LRRC4C: variants seen among roughly 807,000 people sequenced by gnomAD.
LRRC4C encodes leucine rich repeat containing 4C.
LRRC4C carries 5 observed loss-of-function variants against 33.6 expected under a neutral mutation model. The ratio of observed to expected loss-of-function variants is 0.15; its 90% CI spans 0.08 to 0.31. LRRC4C has a LOEUF of 0.31. LRRC4C is among the 10% of genes least tolerant of loss of function. The probability of loss-of-function intolerance (pLI) is 1.00; values close to 1 mark genes in which losing one functional copy is unlikely to be tolerated. For missense variants in LRRC4C, 560 were observed against 796.7 expected, an observed-to-expected ratio of 0.70 and a Z score of 3.58; for synonymous variants, 329 against 302.0, an observed-to-expected ratio of 1.09 and a Z score of -0.93.
chr11:41,327,152 T>C (rs1759275841), intron 1 of LRRC4C, among the ~76,000 whole-genome samples: 1 of 152,198 alleles, frequency 6.6e-6, no homozygotes. Context: ...TTTAACATAT[T>C]CTAGGGAGAA....
chr11:40,307,602 T>G (rs1314993395), intron 4 of LRRC4C, among the ~76,000 whole-genome samples: 1 of 152,234 alleles, frequency 6.6e-6, no homozygotes, highest in Non-Finnish European at 1.5e-5. Flanking sequence ...TATAGTTATG[T>G]ATATAATTGT....
chr11:40,608,578 ATC>A (rs778631823), intron 3 of LRRC4C, among the ~76,000 whole-genome samples: 181 of 152,258 alleles, frequency 1.2e-3, no homozygotes, highest in Non-Finnish European at 2.3e-3. Flanking sequence ...TACCTTTCCA[ATC>A]AAACAACATA....
At chr11:40,127,603 T>G (rs11035703) in intron 6 of LRRC4C, among the ~76,000 whole-genome samples, 7,529 of 152,288 alleles carry the variant, frequency 0.049, 258 homozygotes, top group Middle Eastern at 0.075. Context: ...TTTCTGCTCT[T>G]GTCCCTAAAG....
chr11:40,341,384 A>AC (rs1452534937), intron 3 of LRRC4C, among the ~76,000 whole-genome samples: 2 of 152,186 alleles, frequency 1.3e-5, no homozygotes, highest in Non-Finnish European at 2.9e-5. Flanking sequence ...CAATAAACAT[A>AC]CGTGTGCATG....
intron 1 of LRRC4C, among the ~76,000 whole-genome samples, chr11:41,433,767 G>A (rs1955326135): frequency 6.6e-6 from 1 of 151,834 alleles, no homozygotes; most frequent in Admixed American, 6.6e-5. Context: ...TTGTGATCCT[G>A]TGAGTTAATA....
intron 1 of LRRC4C, among the ~76,000 whole-genome samples, chr11:41,083,402 T>C (rs571478685): frequency 1.5e-4 from 23 of 152,224 alleles, no homozygotes; most frequent in Admixed American, 1.0e-3. Flanking sequence ...AGATAAAATG[T>C]GATTAAGAAT....
At chr11:40,699,442 T>C (rs181025278) in intron 2 of LRRC4C, among the ~76,000 whole-genome samples, 2 of 152,168 alleles carry the variant, frequency 1.3e-5, no homozygotes, top group African/African-American at 2.4e-5. Context: ...ATGTCTAACA[T>C]GTTTATTATG....
chr11:40,877,607 T>A (rs1399321756), intron 2 of LRRC4C, among the ~76,000 whole-genome samples: 1 of 152,150 alleles, frequency 6.6e-6, no homozygotes, highest in African/African-American at 2.4e-5. Context: ...TCATGGCAAA[T>A]ATCTTTAGTA....
chr11:40,140,839 A>G lies in LRRC4C; in HGVS notation c.-81T>C, dbSNP rs1211860844. 1.4e-5 allele frequency: 2 copies of G among 145,520 alleles called. No homozygotes were observed. The highest frequency in any genetic ancestry group is 5.1e-5 in the African/African-American group (2 of 39,226). 9.0% of individuals were successfully genotyped at this position (145,520 alleles called of 1,614,324 possible). A position where few individuals can be genotyped will look rare whatever the true frequency, so the allele number is the denominator to read the frequency against. Reference sequence around the variant, plus strand: ...GGGGGTCTCTATGCTGTAAGTAGGCAGTGCGTTTGCCAATCTAAAAAAAAA... The same window carrying G: ...GGGGGTCTCTATGCTGTAAGTAGGCGGTGCGTTTGCCAATCTAAAAAAAAA... On this transcript the variant is annotated 5_prime_UTR_variant, in exon 6 of 7. Coordinates refer to ENST00000528697, the MANE Select transcript of LRRC4C (RefSeq NM_001258419.2).
At chr11:41,033,569 C>T (rs527474982) in intron 1 of LRRC4C, among the ~76,000 whole-genome samples, 2 of 152,160 alleles carry the variant, frequency 1.3e-5, no homozygotes, top group African/African-American at 4.8e-5. Flanking sequence ...TGGGAATCCT[C>T]TGAGTCCCAG....
chr11:40,997,773 T>G (rs1854087649), intron 1 of LRRC4C, among the ~76,000 whole-genome samples: 1 of 152,052 alleles, frequency 6.6e-6, no homozygotes, highest in African/African-American at 2.4e-5. Flanking sequence ...GGAGGGCTGT[T>G]CCACTGTCAC....
At chr11:41,093,491 C>T (rs1565376891) in intron 1 of LRRC4C, among the ~76,000 whole-genome samples, 1 of 152,140 alleles carries the variant, frequency 6.6e-6, no homozygotes, top group Non-Finnish European at 1.5e-5. Context: ...TTCATCTCTC[C>T]TCTACTGTAA....
At chr11:41,395,245 C>T (rs1329683772) in intron 1 of LRRC4C, among the ~76,000 whole-genome samples, 3 of 151,926 alleles carry the variant, frequency 2.0e-5, no homozygotes, top group African/African-American at 7.2e-5. Context: ...CTTGTGTACA[C>T]CAATAAAAGC....
intron 2 of LRRC4C, among the ~76,000 whole-genome samples, chr11:40,913,520 C>T (rs2136291235): frequency 6.6e-6 from 1 of 152,058 alleles, no homozygotes; most frequent in East Asian, 1.9e-4. Flanking sequence ...ACACAACATA[C>T]CAGAATCTCT....
At chr11:40,814,257 A>T (rs992894435) in intron 2 of LRRC4C, among the ~76,000 whole-genome samples, 4 of 152,228 alleles carry the variant, frequency 2.6e-5, no homozygotes, top group African/African-American at 9.6e-5. Context: ...TCAATTCTTG[A>T]CTTCTGTGTA....
chr11:40,620,760 G>A (rs1343332630), intron 3 of LRRC4C, among the ~76,000 whole-genome samples: 2 of 151,772 alleles, frequency 1.3e-5, no homozygotes, highest in Non-Finnish European at 2.9e-5. Context: ...ATCATTTAGC[G>A]AACATCTTTG....
At chr11:40,493,752 C>T (rs79056896) in intron 3 of LRRC4C, among the ~76,000 whole-genome samples, 2,214 of 152,228 alleles carry the variant, frequency 0.015, 56 homozygotes, top group African/African-American at 0.05. Context: ...TAATCCTCAG[C>T]AATACCAACC....
At chr11:40,911,530 C>T (rs1416078174) in intron 2 of LRRC4C, among the ~76,000 whole-genome samples, 1 of 152,114 alleles carries the variant, frequency 6.6e-6, no homozygotes, top group African/African-American at 2.4e-5. Context: ...GACATCCACA[C>T]CAAAACCCCA....
chr11:40,728,802 T>C (rs1032473094), intron 2 of LRRC4C, among the ~76,000 whole-genome samples: 4 of 152,088 alleles, frequency 2.6e-5, no homozygotes, highest in African/African-American at 9.7e-5. Context: ...TACATAGCCA[T>C]AAAAATGAAT....
Sources: allele counts gnomAD v4.1 joint callset (sites outside exome capture counted in the v4.1 genomes callset), GRCh38; gene constraint gnomAD v4.1.1; transcripts MANE v1.5; gene names NCBI Gene and HGNC (gene_info 2026-07-23, HGNC 2026-07-21).